The following TBC1D9 variants were observed in gnomAD, a reference collection of about 807,000 sequenced individuals.
The protein encoded by TBC1D9 is TBC1 domain family member 9, also known as TBC1 domain family member 9A.
TBC1D9 carries 63 observed loss-of-function variants against 132.0 expected under a neutral mutation model. That is an observed-to-expected ratio of 0.48 (90% confidence interval 0.39 to 0.59). The LOEUF (loss-of-function observed/expected upper bound fraction) is 0.59. TBC1D9 is among the 20% of genes least tolerant of loss of function. The pLI, the probability that TBC1D9 is intolerant of heterozygous loss-of-function variation, is 0.00. For missense variants in TBC1D9, 1,261 were observed against 1,592.7 expected, an observed-to-expected ratio of 0.79 and a Z score of 3.54; for synonymous variants, 610 against 609.9, an observed-to-expected ratio of 1.00 and a Z score of 0.00.
intron 15 of TBC1D9, among the ~76,000 whole-genome samples, chr4:140,637,821 AC>A (rs1307782922): frequency 6.6e-6 from 1 of 152,144 alleles, no homozygotes; most frequent in African/African-American, 2.4e-5. Context: ...CGCACCACCA[AC>A]CAGCCTGGAC....
intron 1 of TBC1D9, among the ~76,000 whole-genome samples, chr4:140,738,439 T>C (rs962739392): frequency 6.6e-6 from 1 of 152,136 alleles, no homozygotes; most frequent in African/African-American, 2.4e-5. Context: ...ACTTGCTTCA[T>C]TGCCTACCTC....
chr4:140,672,172 T>C (rs1474945531), intron 6 of TBC1D9, among the ~76,000 whole-genome samples: 2 of 151,160 alleles, frequency 1.3e-5, no homozygotes, highest in African/African-American at 2.4e-5. Context: ...TTAGAGTATA[T>C]ATGATTCTTT....
At chr4:140,751,259 G>A (rs1410606155) in intron 1 of TBC1D9, among the ~76,000 whole-genome samples, 1 of 152,112 alleles carries the variant, frequency 6.6e-6, no homozygotes, top group African/African-American at 2.4e-5. Context: ...ACATAGACTA[G>A]AAAACCCAAA....
intron 13 of TBC1D9, chr4:140,643,045 G>C (rs1046863820): frequency 2.5e-6 from 3 of 1,179,828 alleles, no homozygotes; most frequent in African/African-American, 1.5e-5. Flanking sequence ...GGGTACATCC[G>C]CTCCTCCTTC....
chr4:140,711,409 T>C (rs1386533276), intron 1 of TBC1D9, among the ~76,000 whole-genome samples: 2 of 152,192 alleles, frequency 1.3e-5, no homozygotes, highest in African/African-American at 2.4e-5. Flanking sequence ...AGATTAGCTA[T>C]ATCAATCCCC....
rs377454817 is a variant in TBC1D9 at position 140,715,103 on chromosome 4, G to C, written c.131-13489C>G. Among the ~76,000 whole-genome samples the C allele has an allele frequency of 3.5e-3, 532 of 152,270 alleles. 3 individuals are homozygous for C. The highest frequency in any genetic ancestry group is 0.012 in the African/African-American group (496 of 41,556). Reference sequence around the variant, plus strand: ...CCCACCACTGCACTCCAACCTGGGTGACAGAGTGAGACCCTGTCTCAAAAC... The same window carrying C: ...CCCACCACTGCACTCCAACCTGGGTCACAGAGTGAGACCCTGTCTCAAAAC... On this transcript the variant is annotated intron_variant, in intron 1 of 20. Transcript: ENST00000442267.
At chr4:140,662,311 T>C (rs1290981403) in intron 9 of TBC1D9, among the ~76,000 whole-genome samples, 2 of 152,306 alleles carry the variant, frequency 1.3e-5, no homozygotes, top group East Asian at 1.9e-4. Flanking sequence ...TTCAGCTCCA[T>C]AGTAGGCTGG....
intron 13 of TBC1D9, chr4:140,642,173 C>A: frequency 1.3e-6 from 1 of 767,990 alleles, no homozygotes. Flanking sequence ...GGAGGGAAGG[C>A]ATCAGTTTGG....
intron 16 of TBC1D9, among the ~76,000 whole-genome samples, chr4:140,629,365 T>C (rs1224312015): frequency 6.6e-6 from 1 of 152,212 alleles, no homozygotes; most frequent in Non-Finnish European, 1.5e-5. Context: ...AAAGAAAATG[T>C]CCATAGTCTT....
chr4:140,745,532 C>T (rs896004724), intron 1 of TBC1D9, among the ~76,000 whole-genome samples: 1 of 152,156 alleles, frequency 6.6e-6, no homozygotes, highest in Non-Finnish European at 1.5e-5. Flanking sequence ...TTATGATGAA[C>T]CACTTCCATT....
intron 1 of TBC1D9, among the ~76,000 whole-genome samples, chr4:140,753,324 G>C (rs2111088812): frequency 6.6e-6 from 1 of 151,924 alleles, no homozygotes; most frequent in Non-Finnish European, 1.5e-5. Flanking sequence ...GAATGCCTAG[G>C]CTCAAACCAT....
chr4:140,679,473 T>A (rs1327981070), intron 4 of TBC1D9, 142 bp downstream of exon 4: 10 of 685,374 alleles, frequency 1.5e-5, no homozygotes, highest in Non-Finnish European at 2.4e-5. Context: ...AATAATTAAA[T>A]TCACTTCAGT....
chr4:140,752,166 T>C (rs528871952), intron 1 of TBC1D9, among the ~76,000 whole-genome samples: 1 of 152,186 alleles, frequency 6.6e-6, no homozygotes, highest in African/African-American at 2.4e-5. Context: ...AACCATCCAA[T>C]GGGCCACCAA....
intron 2 of TBC1D9, among the ~76,000 whole-genome samples, chr4:140,689,879 G>C (rs1258125968): frequency 1.3e-5 from 2 of 148,856 alleles, no homozygotes; most frequent in Non-Finnish European, 3.0e-5. Context: ...CTCCCCAGTA[G>C]CTGGCATTAC....
At chr4:140,676,626 G>C (rs12648813) in intron 6 of TBC1D9, among the ~76,000 whole-genome samples, 101,823 of 152,024 alleles carry the variant, frequency 0.67, 34,190 homozygotes, top group African/African-American at 0.69. Context: ...GCACTCCAGC[G>C]TGGGTGACAG....
chr4:140,639,276 G>C (rs1311389457), intron 14 of TBC1D9, 54 bp downstream of exon 14: 1 of 1,497,556 alleles, frequency 6.7e-7, no homozygotes, highest in Non-Finnish European at 9.2e-7. Context: ...CAGCCAGCAG[G>C]AGTGTGAAGA....
chr4:140,672,639 A>G (rs1388113204), intron 6 of TBC1D9, among the ~76,000 whole-genome samples: 1 of 152,216 alleles, frequency 6.6e-6, no homozygotes, highest in Non-Finnish European at 1.5e-5. Context: ...AAGCTCCCAC[A>G]TAAAACATAT....
chr4:140,697,730 T>C (rs563460646), intron 2 of TBC1D9, among the ~76,000 whole-genome samples: 2 of 152,314 alleles, frequency 1.3e-5, no homozygotes, highest in Admixed American at 1.3e-4. Context: ...AGCAATACCA[T>C]GGCAAAGCCC....
At chr4:140,720,223 T>C (rs746980804) in intron 1 of TBC1D9, among the ~76,000 whole-genome samples, 1 of 152,122 alleles carries the variant, frequency 6.6e-6, no homozygotes, top group Admixed American at 6.5e-5. Context: ...AGGTTTGGGA[T>C]AGACATCAGA....
Sources: gnomAD v4.1 joint callset for allele counts (sites outside exome capture counted in the v4.1 genomes callset) on GRCh38, gnomAD v4.1.1 for gene constraint, MANE v1.5 for transcripts, NCBI Gene and HGNC (gene_info 2026-07-23, HGNC 2026-07-21) for gene names.